Variants in DHX34 observed in about 807,000 individuals in gnomAD.
DHX34 encodes probable ATP-dependent RNA helicase DHX34.
Under a neutral mutation model 111.1 loss-of-function variants are expected in DHX34, and 96 were observed. The ratio of observed to expected loss-of-function variants is 0.86; its 90% CI spans 0.73 to 1.02. DHX34 has a LOEUF of 1.02. DHX34 is among the 50% of genes least tolerant of loss of function. DHX34 has a pLI of 0.00. For synonymous variants in DHX34, 688 were observed against 670.4 expected, an observed-to-expected ratio of 1.03 and a Z score of -0.41; for missense variants, 1,560 against 1,579.9, an observed-to-expected ratio of 0.99 and a Z score of 0.21.
chr19:47,356,590 C>T (rs1211895413), intron 3 of DHX34, among the ~76,000 whole-genome samples: 2 of 149,978 alleles, frequency 1.3e-5, no homozygotes, highest in Admixed American at 6.7e-5. Context: ...GATGGCTCCA[C>T]TGCACTCCAC....
chr19:47,361,693 C>T (rs778257246), intron 5 of DHX34, among the ~76,000 whole-genome samples: 1 of 151,896 alleles, frequency 6.6e-6, no homozygotes, highest in Non-Finnish European at 1.5e-5. Context: ...GCAGGAGAAT[C>T]GCTTGAACTC....
Position 47,382,149 on chromosome 19 carries a change from G to A in DHX34, c.*36G>A. The A allele has an allele frequency of 6.2e-7, 1 of 1,610,740 alleles. No homozygotes were observed. ...GAGCCCTGCCCACCTCCGTGCAGCTGACCTGCCCTCCAGCCCAGGACTAGG... is the reference window on the plus strand; with the variant it reads ...GAGCCCTGCCCACCTCCGTGCAGCTAACCTGCCCTCCAGCCCAGGACTAGG... On this transcript the variant is annotated 3_prime_UTR_variant, in exon 17 of 17. Transcript: ENST00000328771.
intron 4 of DHX34, 177 bp from the exon 5 acceptor site, chr19:47,359,791 G>A: frequency 3.2e-6 from 3 of 947,790 alleles, no homozygotes; most frequent in Non-Finnish European, 3.8e-6. Context: ...GAGGGTGGGG[G>A]AGGGCCCAGG....
chr19:47,350,647 C>T (rs1654634417), intron 1 of DHX34, among the ~76,000 whole-genome samples: 1 of 151,958 alleles, frequency 6.6e-6, no homozygotes, highest in South Asian at 2.1e-4. Flanking sequence ...CTCGCACTCC[C>T]GACCTCAGGT....
intron 5 of DHX34, 173 bp from the exon 6 acceptor site, chr19:47,362,303 A>G: frequency 1.2e-6 from 1 of 847,964 alleles, no homozygotes; most frequent in Non-Finnish European, 1.4e-6. Flanking sequence ...TGTGTGAGGA[A>G]ATGAAAGAAT....
intron 9 of DHX34, 52 bp downstream of exon 9, chr19:47,373,752 A>G: frequency 6.3e-7 from 1 of 1,583,732 alleles, no homozygotes; most frequent in Non-Finnish European, 8.6e-7. Flanking sequence ...AGACGTGTGT[A>G]AGCACACTCC....
Position 47,375,670 on chromosome 19 carries a change from C to T in DHX34, c.2269C>T (p.Pro757Ser). 1 of 1,556,960 alleles carries T rather than the reference C, an allele frequency of 6.4e-7. No homozygotes were observed. Among genetic ancestry groups the T allele is most frequent in the South Asian group, 1.2e-5 (1 of 85,952 alleles). ...GGSSDEDRAG[P>S]APPGASDGVD... ...CTCCAGTGACGAGGACAGGGCTGGC[C>T]CAGCCCCCCCAGGGGCCAGTGATGG... is the stretch of plus-strand genomic sequence containing the variant. Residue 757 changes from proline (P) to serine (S), a missense_variant, in exon 10 of 17, where the codon CCA (proline) becomes TCA (serine). Coordinates refer to ENST00000328771, the MANE Select transcript of DHX34 (RefSeq NM_014681.6).
intron 3 of DHX34, chr19:47,357,622 G>GGACAGCCCCC (rs1969494675): frequency 4.2e-6 from 2 of 472,566 alleles, no homozygotes; most frequent in African/African-American, 2.1e-5. Flanking sequence ...GAATTATCCA[G>GGACAGCCCCC]ACTGAAATGT....
chr19:47,361,969 T>A (rs1969644209), intron 5 of DHX34, among the ~76,000 whole-genome samples: 1 of 151,752 alleles, frequency 6.6e-6, no homozygotes, highest in South Asian at 2.1e-4. Context: ...AAACAAAGAC[T>A]TGGGAAAATA....
Position 47,381,979 on chromosome 19 carries a change from G to C in DHX34, c.3299-1G>C. Reference sequence around the variant, plus strand: ...ACAGCCTCCTCCTTTTCCTCCCTTAGGGGCTGAGGAAGCTGCCCTCGAAAC... The same window carrying C: ...ACAGCCTCCTCCTTTTCCTCCCTTACGGGCTGAGGAAGCTGCCCTCGAAAC... On this transcript the variant is annotated splice_acceptor_variant, in intron 16 of 16. Coordinates refer to ENST00000328771, the MANE Select transcript of DHX34 (RefSeq NM_014681.6). LOFTEE classifies it high-confidence loss of function. The C allele has an allele frequency of 6.2e-7, 1 of 1,614,092 alleles. No individual in the cohort carries two copies. The highest frequency in any genetic ancestry group is 8.5e-7 in the Non-Finnish European group (1 of 1,179,984).
intron 10 of DHX34, 25 bp downstream of exon 10, chr19:47,375,733 TG>T: frequency 6.4e-7 from 1 of 1,558,686 alleles, no homozygotes; most frequent in African/African-American, 1.4e-5. Flanking sequence ...CTGTGGGGTG[TG>T]GGGGTTTACC....
chr19:47,357,540 C>G (rs981338416), intron 3 of DHX34, among the ~76,000 whole-genome samples: 2 of 152,286 alleles, frequency 1.3e-5, no homozygotes, highest in Non-Finnish European at 2.9e-5. Context: ...GAGAAGACTA[C>G]TAGCATCTAG....
In DHX34 at chr19:47,381,309, C is replaced by T; in HGVS notation, c.3283C>T (p.Gln1095Ter). 1 of 1,613,596 alleles carries T rather than the reference C, an allele frequency of 6.2e-7. No individual in the cohort carries two copies. Residue 1095 changes from glutamine (Q) to a stop codon, truncating the protein, a stop_gained, in exon 16 of 17, where the codon CAG (glutamine) becomes TAG (stop). Transcript: ENST00000328771. LOFTEE classifies it low-confidence loss of function (END_TRUNC). Reference protein sequence around the residue: ...AHENTCPQAPQDGPPGAEEAA... With the variant: ...AHENTCPQAP ...TGAGAACACCTGCCCCCAGGCCCCA[C>T]AGGATGGGCCCCCAGGTAAGCACAG...
intron 4 of DHX34, among the ~76,000 whole-genome samples, chr19:47,359,316 G>T (rs933590193): frequency 2.6e-5 from 4 of 152,130 alleles, no homozygotes; most frequent in African/African-American, 7.2e-5. Context: ...AAGAAAACTA[G>T]CTGGGCATGG....
At chr19:47,381,113 G>C (rs1970341620) in intron 15 of DHX34, 73 bp from the exon 16 acceptor site, 3 of 1,586,976 alleles carry the variant, frequency 1.9e-6, no homozygotes, top group African/African-American at 1.3e-5. Context: ...CTTCTGGGAA[G>C]GGTCCCGGGG....
At position 47,349,341 on chromosome 19, in the gene DHX34, T is replaced by C. The variant is rs1318472886; in HGVS notation, c.-289T>C. Reference sequence around the variant, plus strand: ...CTCTTGGGACCGGAAGTTAAGGCGTTCGCGGCGTGTGGTAAGTGAGGGGGG... The same window carrying C: ...CTCTTGGGACCGGAAGTTAAGGCGTCCGCGGCGTGTGGTAAGTGAGGGGGG... On this transcript the variant is annotated 5_prime_UTR_variant, in exon 1 of 17. Coordinates refer to ENST00000328771, the MANE Select transcript of DHX34 (RefSeq NM_014681.6). 1 of 152,226 alleles carries C rather than the reference T, an allele frequency of 6.6e-6. No individual in the cohort carries two copies. The highest frequency in any genetic ancestry group is 1.9e-4 in the East Asian group (1 of 5,170). The allele number at this position is 152,226 out of a possible 1,614,324, so 9.4% of individuals were successfully genotyped here.
chr19:47,362,555 A>C lies in DHX34; in HGVS notation c.1455A>C (p.Ala485=), dbSNP rs779252916. 6.2e-7 allele frequency: 1 copy of C among 1,613,214 alleles called. No homozygotes were observed. The change falls in exon 6 of 17, where the codon GCA becomes GCC. Residue 485 remains alanine (A), a synonymous_variant. Transcript: ENST00000328771. ...AGTTCTGGATTAGTCAGGCCAGCGC[A>C]GAGCAGCGGAAGGGCCGGGCGGGCC... is the stretch of plus-strand genomic sequence containing the variant. ...LQEFWISQAS[A]EQRKGRAGRT... is the part of the protein sequence containing the mutation.
intron 9 of DHX34, 65 bp downstream of exon 9, chr19:47,373,765 A>G: frequency 6.4e-7 from 1 of 1,555,890 alleles, no homozygotes; most frequent in South Asian, 1.2e-5. Context: ...CACACTCCAG[A>G]ACACTGCTTC....
At chr19:47,355,005 G>T in intron 2 of DHX34, 34 bp from the exon 3 acceptor site, 6 of 1,601,046 alleles carry the variant, frequency 3.7e-6, no homozygotes, top group East Asian at 2.2e-5. Flanking sequence ...CAGGCTCAGG[G>T]TCCTCTCCTG....
Sources: allele counts gnomAD v4.1 joint callset (sites outside exome capture counted in the v4.1 genomes callset), GRCh38; gene constraint gnomAD v4.1.1; transcripts MANE v1.5; gene names NCBI Gene and HGNC (gene_info 2026-07-23, HGNC 2026-07-21).